Variants in ANO6 observed in about 807,000 individuals in gnomAD.
The protein encoded by ANO6 is anoctamin-6.
Under a neutral mutation model 117.5 loss-of-function variants are expected in ANO6, and 106 were observed. The ratio of observed to expected loss-of-function variants is 0.90; its 90% CI spans 0.77 to 1.06. The LOEUF (loss-of-function observed/expected upper bound fraction) is 1.06. Ranked by LOEUF, ANO6 falls within the 50% of genes least tolerant of loss-of-function variation. The pLI, the probability that ANO6 is intolerant of heterozygous loss-of-function variation, is 0.00. For synonymous variants in ANO6, 367 were observed against 385.1 expected (o/e 0.95, Z 0.55); for missense variants, 955 against 1,121.1 (o/e 0.85, Z 2.12).
intron 6 of ANO6, 46 bp from the exon 7 acceptor site, chr12:45,350,613 A>C: frequency 6.7e-7 from 1 of 1,483,922 alleles, no homozygotes; most frequent in East Asian, 2.3e-5. Flanking sequence ...CAGATTTGTG[A>C]AAACACGATG....
chr12:45,250,061 T>A (rs1411486005), intron 1 of ANO6, among the ~76,000 whole-genome samples: 1 of 152,170 alleles, frequency 6.6e-6, no homozygotes, highest in Admixed American at 6.5e-5. Context: ...TTAATAAGTA[T>A]GCCAGCTAAC....
At chr12:45,416,979 T>C (rs2137684677) in intron 17 of ANO6, 75 bp downstream of exon 17, 1 of 1,462,612 alleles carries the variant, frequency 6.8e-7, no homozygotes, top group Non-Finnish European at 9.5e-7. Context: ...ATCAAATGTT[T>C]AGTGTTTTTT....
intron 1 of ANO6, 57 bp from the exon 2 acceptor site, chr12:45,301,957 C>A: frequency 6.9e-7 from 1 of 1,440,394 alleles, no homozygotes; most frequent in Non-Finnish European, 9.8e-7. Flanking sequence ...AAGTACAGAA[C>A]TACGTGAGCC....
At chr12:45,284,709 G>T (rs10785565) in intron 1 of ANO6, among the ~76,000 whole-genome samples, 142,267 of 152,232 alleles carry the variant, frequency 0.93, 67,235 homozygotes, top group East Asian at 1. Context: ...AGTGACTGTT[G>T]TCGTGTATCT....
At chr12:45,409,287 G>T in intron 15 of ANO6, 70 bp from the exon 16 acceptor site, 1 of 1,581,272 alleles carries the variant, frequency 6.3e-7, no homozygotes, top group Non-Finnish European at 8.7e-7. Flanking sequence ...CTTTGAGATA[G>T]CAGCAAAATA....
intron 13 of ANO6, among the ~76,000 whole-genome samples, 184 bp downstream of exon 13, chr12:45,402,204 G>C (rs1942809881): frequency 6.6e-6 from 1 of 152,096 alleles, no homozygotes; most frequent in Non-Finnish European, 1.5e-5. Flanking sequence ...TTAGTAAAAG[G>C]GACAAAGCAA....
At chr12:45,259,729 C>T (rs1302898560) in intron 1 of ANO6, among the ~76,000 whole-genome samples, 1 of 152,184 alleles carries the variant, frequency 6.6e-6, no homozygotes, top group African/African-American at 2.4e-5. Context: ...GGGCAGGAAA[C>T]ATGATGGGGT....
intron 1 of ANO6, among the ~76,000 whole-genome samples, chr12:45,238,685 A>G (rs994830026): frequency 6.6e-5 from 10 of 152,118 alleles, no homozygotes; most frequent in African/African-American, 1.7e-4. Context: ...GTTTGTCATA[A>G]ATAGCTCTTA....
At chr12:45,261,037 C>CTTGAAATCCTGGCCT (rs1363038649) in intron 1 of ANO6, among the ~76,000 whole-genome samples, 2 of 151,862 alleles carry the variant, frequency 1.3e-5, no homozygotes, top group African/African-American at 4.8e-5. Context: ...CCAGGCTGGT[C>CTTGAAATCCTGGCCT]TTGAAATCCT....
At chr12:45,270,492 T>G in intron 1 of ANO6, 1 of 1,420,642 alleles carries the variant, frequency 7.0e-7, no homozygotes, top group Non-Finnish European at 9.5e-7. Flanking sequence ...AGGCCTTTTC[T>G]GACTCCTCAT....
chr12:45,414,363 A>G (rs1943161465), intron 16 of ANO6, among the ~76,000 whole-genome samples: 1 of 152,120 alleles, frequency 6.6e-6, no homozygotes, highest in African/African-American at 2.4e-5. Flanking sequence ...AGAACAAATT[A>G]TATGGGCTTT....
In ANO6 at chr12:45,348,277, A is replaced by T; in HGVS notation, c.595A>T (p.Arg199Ter). 1 of 1,614,118 alleles carries T rather than the reference A, an allele frequency of 6.2e-7. No homozygotes were observed. Residue 199 changes from arginine (R) to a stop codon, truncating the protein, a stop_gained, in exon 5 of 20, where the codon AGA becomes TGA. Transcript: ENST00000320560. LOFTEE classifies it high-confidence loss of function. ...GATGAATGATTTTTACATAGTTGAT[A>T]GAGATGCTTTCTTCAATCCAGCCAC... Reference protein sequence around the residue: ...NRMNDFYIVDRDAFFNPATRS... With the variant: ...NRMNDFYIVD
downstream of ANO6, among the ~76,000 whole-genome samples, chr12:45,433,642 T>C (rs1943674017): frequency 6.6e-6 from 1 of 152,166 alleles, no homozygotes; most frequent in Non-Finnish European, 1.5e-5. Flanking sequence ...TGAGGACTCA[T>C]CTGCCTTCTC....
chr12:45,321,463 GA>G (rs905475117), intron 2 of ANO6, among the ~76,000 whole-genome samples: 13 of 151,924 alleles, frequency 8.6e-5, no homozygotes, highest in Middle Eastern at 3.4e-3. Flanking sequence ...TATATGATAT[GA>G]AAAAAAATCA....
chr12:45,234,341 C>CCT (rs138375932), intron 1 of ANO6, among the ~76,000 whole-genome samples: 2,188 of 152,222 alleles, frequency 0.014, 41 homozygotes, highest in African/African-American at 0.048. Context: ...GCAGACTCTC[C>CCT]CTATGTATAA....
chr12:45,431,339 TCTCTG>T lies in ANO6; in HGVS notation c.*2029_*2033del, dbSNP rs1943628247. ...ACTTCCTCTCTAGTACCTCTTCTCT[TCTCTG>T]AAGTGTGTGACTATCTCCTAGTGTT... is the stretch of plus-strand genomic sequence containing the variant. On this transcript the variant is annotated 3_prime_UTR_variant, in exon 20 of 20. Transcript: ENST00000320560. 9 of 985,296 alleles carry T rather than the reference TCTCTG, an allele frequency of 9.1e-6. No homozygotes were observed. Among genetic ancestry groups the T allele is most frequent in the Non-Finnish European group, 9.6e-6 (8 of 829,924 alleles). 61.0% of individuals were successfully genotyped at this position (985,296 alleles called of 1,614,324 possible).
chr12:45,221,059 T>TCG (rs1555156312), intron 1 of ANO6, among the ~76,000 whole-genome samples: 4 of 149,214 alleles, frequency 2.7e-5, no homozygotes, highest in Admixed American at 6.7e-5. Flanking sequence ...GTGTCGGAAG[T>TCG]GGGGGGGGGC....
At chr12:45,352,422 G>GA (rs1018637270) in intron 7 of ANO6, among the ~76,000 whole-genome samples, 2 of 151,942 alleles carry the variant, frequency 1.3e-5, no homozygotes, top group African/African-American at 4.8e-5. Flanking sequence ...AACATAACCA[G>GA]AATACCCCCT....
At position 45,366,117 on chromosome 12, in the gene ANO6, T is replaced by G. The variant is rs77285339; in HGVS notation, c.999-1571T>G. ...GAGCAGCGTGCAATGTTACTTGGGTTTTTTTTTTTTTTTTTGGTATTAATT... is the reference window on the plus strand; with the variant it reads ...GAGCAGCGTGCAATGTTACTTGGGTGTTTTTTTTTTTTTTTGGTATTAATT... On this transcript the variant is annotated intron_variant, in intron 8 of 19. Coordinates refer to ENST00000320560, the MANE Select transcript of ANO6 (RefSeq NM_001025356.3). Among the ~76,000 whole-genome samples the G allele has an allele frequency of 7.3e-4, 20 of 27,310 alleles. No homozygotes were observed. In the East Asian group the frequency reaches 0.23, roughly 308 times the overall value. 17.9% of individuals were successfully genotyped at this position (27,310 alleles called of 152,430 possible).
Sources: gnomAD v4.1 joint callset for allele counts (sites outside exome capture counted in the v4.1 genomes callset) on GRCh38, gnomAD v4.1.1 for gene constraint, MANE v1.5 for transcripts, NCBI Gene and HGNC (gene_info 2026-07-23, HGNC 2026-07-21) for gene names.